PCDHGB1: variants seen among roughly 807,000 people sequenced by gnomAD.
The protein encoded by PCDHGB1 is protocadherin gamma subfamily B, 1.
A neutral mutation model predicts 56.6 loss-of-function variants in PCDHGB1; 34 were observed. The ratio of observed to expected loss-of-function variants is 0.60; its 90% CI spans 0.46 to 0.80. The LOEUF is 0.80. PCDHGB1 is among the 30% of genes least tolerant of loss of function. The pLI, the probability that PCDHGB1 is intolerant of heterozygous loss-of-function variation, is 0.00. For synonymous variants in PCDHGB1, 561 were observed against 505.9 expected (o/e 1.11, Z -1.46); for missense variants, 1,278 against 1,204.6 (o/e 1.06, Z -0.90).
At chr5:141,494,902 C>A (rs2099757367) in intron 2 of PCDHGB1, 37 bp downstream of exon 2, 1 of 1,614,024 alleles carries the variant, frequency 6.2e-7, no homozygotes, top group East Asian at 2.2e-5. Context: ...CTCTTCTCTG[C>A]GGCATTTTCT....
chr5:141,382,887 A>T (rs1778529404), intron 1 of PCDHGB1: 1 of 1,530,424 alleles, frequency 6.5e-7, no homozygotes, highest in Non-Finnish European at 8.8e-7. Context: ...TAAGCAAGAG[A>T]AGCAGGACGA....
intron 1 of PCDHGB1, chr5:141,414,054 G>T: frequency 6.2e-7 from 1 of 1,610,250 alleles, no homozygotes; most frequent in South Asian, 1.1e-5. Context: ...ACACGCAATT[G>T]TTGAAGTTCC....
chr5:141,356,595 C>G, intron 1 of PCDHGB1: 3 of 1,614,170 alleles, frequency 1.9e-6, no homozygotes, highest in South Asian at 2.2e-5. Context: ...CTGAAAACAA[C>G]CCCAGAGGAG....
intron 1 of PCDHGB1, chr5:141,400,548 T>C: frequency 6.2e-7 from 1 of 1,613,656 alleles, no homozygotes; most frequent in South Asian, 1.1e-5. Context: ...ATGTCTATTC[T>C]TTTTCATTAC....
Position 141,491,815 on chromosome 5 carries a change from C to T in PCDHGB1, c.2410-2992C>T. The T allele has an allele frequency of 6.7e-7, 1 of 1,485,264 alleles. No individual in the cohort carries two copies. Among genetic ancestry groups the T allele is most frequent in the African/African-American group, 1.4e-5 (1 of 70,622 alleles). The allele number at this position is 1,485,264 out of a possible 1,614,324, so 92.0% of individuals were successfully genotyped here. ...CCTCTCCGGCCGGCTTGGTCGCTGGCTGCGCTCCACCCGATTCTCGGGATC... is the reference window on the plus strand; with the variant it reads ...CCTCTCCGGCCGGCTTGGTCGCTGGTTGCGCTCCACCCGATTCTCGGGATC... On this transcript the variant is annotated intron_variant, in intron 1 of 3. Coordinates refer to ENST00000523390, the MANE Select transcript of PCDHGB1 (RefSeq NM_018922.3). This position sits in a 1 kb window ranked among gnomAD's most constrained non-coding sequence, Gnocchi z 6.9.
At chr5:141,447,829 T>A (rs2098552664) in intron 1 of PCDHGB1, among the ~76,000 whole-genome samples, 1 of 152,214 alleles carries the variant, frequency 6.6e-6, no homozygotes. Context: ...CTCACGCCTG[T>A]AATCCCAGTG....
chr5:141,489,864 T>G lies in PCDHGB1; in HGVS notation c.2410-4943T>G, dbSNP rs1274301673. ...TGGATCGTGAAGCCCAGGCAAGACA[T>G]CAGCTGGTGCTTACTGCTGTGGATG... On this transcript the variant is annotated intron_variant, in intron 1 of 3. Coordinates refer to ENST00000523390, the MANE Select transcript of PCDHGB1 (RefSeq NM_018922.3). This position sits in a 1 kb window ranked among gnomAD's most constrained non-coding sequence, Gnocchi z 4.5. 5 of 1,614,064 alleles carry G rather than the reference T, an allele frequency of 3.1e-6. No individual in the cohort carries two copies. The highest frequency in any genetic ancestry group is 3.4e-6 in the Non-Finnish European group (4 of 1,180,022).
intron 1 of PCDHGB1, among the ~76,000 whole-genome samples, chr5:141,465,407 A>G (rs1019401245): frequency 6.6e-6 from 1 of 152,218 alleles, no homozygotes; most frequent in African/African-American, 2.4e-5. Flanking sequence ...AGAAGAAGCC[A>G]AATCAGCACT....
At chr5:141,415,114 G>C (rs186848544) in intron 1 of PCDHGB1, 1 of 1,613,648 alleles carries the variant, frequency 6.2e-7, no homozygotes, top group Non-Finnish European at 8.5e-7. Flanking sequence ...GCAAAGCCTC[G>C]TAGTGGCCGT....
chr5:141,404,517 A>C (rs1268035794), intron 1 of PCDHGB1: 1 of 1,613,938 alleles, frequency 6.2e-7, no homozygotes, highest in South Asian at 1.1e-5. Flanking sequence ...TCCTTTGACT[A>C]TGAGCAGTTT....
chr5:141,354,321 T>C (rs1759514150), intron 1 of PCDHGB1, among the ~76,000 whole-genome samples: 1 of 152,240 alleles, frequency 6.6e-6, no homozygotes. Flanking sequence ...ATTACTACTC[T>C]ATGAAAGGTA....
At chr5:141,473,501 G>C (rs1053399138) in intron 1 of PCDHGB1, among the ~76,000 whole-genome samples, 7 of 152,188 alleles carry the variant, frequency 4.6e-5, no homozygotes, top group African/African-American at 1.7e-4. Context: ...GGTGTTCTGA[G>C]AGAGCATAAC....
Position 141,486,320 on chromosome 5 carries a change from G to A in PCDHGB1, c.2410-8487G>A, listed in dbSNP as rs764851576. The stretch of plus-strand genomic sequence containing the variant: ...GCAGGATCCAGACTCAGGGTCAAAC[G>A]GAGATGTGAGCCTCCGCATTCCTGA... On this transcript the variant is annotated intron_variant, in intron 1 of 3. Coordinates refer to ENST00000523390, the MANE Select transcript of PCDHGB1 (RefSeq NM_018922.3). This position sits in a 1 kb window ranked among gnomAD's most constrained non-coding sequence, Gnocchi z 5.0. The A allele has an allele frequency of 6.2e-7, 1 of 1,614,010 alleles. No individual in the cohort carries two copies. Among genetic ancestry groups the A allele is most frequent in the South Asian group, 1.1e-5 (1 of 91,060 alleles).
intron 1 of PCDHGB1, chr5:141,410,760 A>G: frequency 8.5e-7 from 1 of 1,177,482 alleles, no homozygotes; most frequent in Non-Finnish European, 1.2e-6. Flanking sequence ...ATGTTTTTTC[A>G]ATTATAGTTT....
At chr5:141,409,172 G>A in intron 1 of PCDHGB1, 8 of 1,614,006 alleles carry the variant, frequency 5.0e-6, no homozygotes, top group Non-Finnish European at 6.8e-6. Context: ...AGCGAAGGAC[G>A]GAGGTGGTCT....
chr5:141,456,390 T>G (rs1007800936), intron 1 of PCDHGB1, among the ~76,000 whole-genome samples: 2 of 152,114 alleles, frequency 1.3e-5, no homozygotes, highest in African/African-American at 4.8e-5. Context: ...CGTTTGGAGT[T>G]TGATTGCTTC....
At chr5:141,422,498 C>G in intron 1 of PCDHGB1, 1 of 1,613,966 alleles carries the variant, frequency 6.2e-7, no homozygotes. Context: ...ATAACGTTGA[C>G]AGCCACAGAC....
At chr5:141,360,030 A>T in intron 1 of PCDHGB1, 6 of 1,381,784 alleles carry the variant, frequency 4.3e-6, no homozygotes, top group Non-Finnish European at 5.8e-6. Flanking sequence ...GCCAGTATAG[A>T]TTCGGAAACA....
At chr5:141,501,313 ACAC>A (rs2099807743) in intron 2 of PCDHGB1, among the ~76,000 whole-genome samples, 1 of 151,686 alleles carries the variant, frequency 6.6e-6, no homozygotes, top group Non-Finnish European at 1.5e-5. Context: ...ACACACACAC[ACAC>A]ACACACACAC....
Sources: gnomAD v4.1 joint callset for allele counts (sites outside exome capture counted in the v4.1 genomes callset) on GRCh38, gnomAD v4.1.1 for gene constraint, Gnocchi (gnomAD v3.1) non-coding constraint, MANE v1.5 for transcripts, NCBI Gene and HGNC (gene_info 2026-07-23, HGNC 2026-07-21) for gene names.